The following PTPRD variants were observed in gnomAD, a reference collection of about 807,000 sequenced individuals.
The protein encoded by PTPRD is receptor-type tyrosine-protein phosphatase delta.
A neutral mutation model predicts 214.5 loss-of-function variants in PTPRD; 34 were observed. That is an observed-to-expected ratio of 0.16 (90% CI 0.12 to 0.21). PTPRD has a LOEUF of 0.21. Among genes scored for constraint, PTPRD ranks in the 10% least tolerant of loss-of-function variants. The pLI, the probability that PTPRD is intolerant of heterozygous loss-of-function variation, is 1.00. For missense variants in PTPRD, 2,545 were observed against 2,398.7 expected (o/e 1.06, Z -1.27); for synonymous variants, 1,128 against 845.7 (o/e 1.33, Z -5.79).
At chr9:9,647,348 T>G (rs2096219182) in intron 7 of PTPRD, among the ~76,000 whole-genome samples, 1 of 151,464 alleles carries the variant, frequency 6.6e-6, no homozygotes, top group Admixed American at 6.6e-5. Context: ...TTTCCTTGTT[T>G]CTACTGGCTT....
At chr9:8,799,974 T>G (rs1050655916) in intron 11 of PTPRD, among the ~76,000 whole-genome samples, 1 of 151,978 alleles carries the variant, frequency 6.6e-6, no homozygotes, top group East Asian at 1.9e-4. Flanking sequence ...ATAATAAATA[T>G]AGTGCTGCCA....
At chr9:9,597,388 G>A (rs1201812732) in intron 7 of PTPRD, among the ~76,000 whole-genome samples, 1 of 151,890 alleles carries the variant, frequency 6.6e-6, no homozygotes, top group African/African-American at 2.4e-5. Flanking sequence ...CATGGGAACT[G>A]GCTTAAATTC....
At chr9:8,551,655 T>G (rs1410395385) in intron 14 of PTPRD, among the ~76,000 whole-genome samples, 1 of 152,204 alleles carries the variant, frequency 6.6e-6, no homozygotes, top group Non-Finnish European at 1.5e-5. Context: ...TACTTCATCA[T>G]GAAGGAGAAC....
intron 8 of PTPRD, among the ~76,000 whole-genome samples, chr9:9,417,597 C>T (rs1326185958): frequency 6.6e-6 from 1 of 152,030 alleles, no homozygotes; most frequent in East Asian, 1.9e-4. Context: ...TTGAAAGAAA[C>T]CTGAGGGAAG....
intron 14 of PTPRD, among the ~76,000 whole-genome samples, chr9:8,630,030 A>C (rs1374369276): frequency 6.6e-6 from 1 of 151,850 alleles, no homozygotes; most frequent in African/African-American, 2.4e-5. Flanking sequence ...CATACAGGTC[A>C]GATATTTGAA....
intron 11 of PTPRD, among the ~76,000 whole-genome samples, chr9:8,795,572 T>A (rs1047639589): frequency 1.3e-5 from 2 of 152,216 alleles, no homozygotes; most frequent in African/African-American, 4.8e-5. Flanking sequence ...GTCACTGGAC[T>A]GATAGATGAA....
chr9:8,470,143 T>C (rs2096623897), intron 31 of PTPRD, among the ~76,000 whole-genome samples: 1 of 152,124 alleles, frequency 6.6e-6, no homozygotes, highest in Non-Finnish European at 1.5e-5. Flanking sequence ...CCTTATGAAC[T>C]GATTGAAAAC....
At chr9:9,082,102 C>T (rs1418290037) in intron 10 of PTPRD, among the ~76,000 whole-genome samples, 2 of 151,884 alleles carry the variant, frequency 1.3e-5, no homozygotes, top group African/African-American at 4.8e-5. Context: ...TCCTCCCTAA[C>T]TCATTTTATG....
chr9:10,029,006 G>A (rs1030789076), intron 4 of PTPRD, among the ~76,000 whole-genome samples: 3 of 152,114 alleles, frequency 2.0e-5, no homozygotes, highest in Admixed American at 1.3e-4. Flanking sequence ...GGGACTTGGT[G>A]CCCTGTGTCC....
intron 2 of PTPRD, among the ~76,000 whole-genome samples, chr9:10,518,597 A>G (rs993392433): frequency 1.3e-5 from 2 of 152,042 alleles, no homozygotes; most frequent in African/African-American, 2.4e-5. Context: ...CAGCGGCCCA[A>G]TCTTGGCTCA....
intron 5 of PTPRD, among the ~76,000 whole-genome samples, chr9:9,931,965 A>T (rs948778109): frequency 1.3e-5 from 2 of 152,018 alleles, no homozygotes; most frequent in African/African-American, 4.8e-5. Flanking sequence ...CAGCAGGGGC[A>T]CACTGACACC....
chr9:10,368,183 G>A (rs915593641), intron 2 of PTPRD, among the ~76,000 whole-genome samples: 1 of 151,966 alleles, frequency 6.6e-6, no homozygotes, highest in Non-Finnish European at 1.5e-5. Flanking sequence ...AAAATGATGA[G>A]TTTTCCTCTT....
intron 4 of PTPRD, among the ~76,000 whole-genome samples, chr9:9,949,023 G>A (rs1421007977): frequency 2.6e-5 from 4 of 151,996 alleles, no homozygotes; most frequent in African/African-American, 7.2e-5. Context: ...GTGGGATAAA[G>A]GGTGAAGAAT....
At chr9:8,476,239 T>C (rs2096761924) in intron 30 of PTPRD, among the ~76,000 whole-genome samples, 1 of 152,176 alleles carries the variant, frequency 6.6e-6, no homozygotes. Flanking sequence ...CATTAGATTC[T>C]CATAAAGAGC....
chr9:10,128,508 C>G (rs2154255073), intron 3 of PTPRD, among the ~76,000 whole-genome samples: 1 of 152,298 alleles, frequency 6.6e-6, no homozygotes, highest in East Asian at 1.9e-4. Context: ...AGCCTTCCCT[C>G]ATGGCCCTTA....
intron 9 of PTPRD, among the ~76,000 whole-genome samples, chr9:9,244,147 A>G (rs2099971768): frequency 6.6e-6 from 1 of 152,208 alleles, no homozygotes; most frequent in South Asian, 2.1e-4. Context: ...GGATACAAAC[A>G]AATGGAAGAA....
At chr9:9,597,642 G>C (rs1423507347) in intron 7 of PTPRD, among the ~76,000 whole-genome samples, 1 of 151,858 alleles carries the variant, frequency 6.6e-6, no homozygotes, top group Non-Finnish European at 1.5e-5. Flanking sequence ...AGAGAAAGAA[G>C]TCAAGAAATG....
At chr9:8,713,669 G>A in intron 12 of PTPRD, 5 of 1,507,996 alleles carry the variant, frequency 3.3e-6, no homozygotes, top group East Asian at 2.3e-5. Context: ...CACCGCGCCC[G>A]GGCCCACTCC....
At chr9:9,386,532 T>C (rs1462851296) in intron 9 of PTPRD, among the ~76,000 whole-genome samples, 2 of 152,170 alleles carry the variant, frequency 1.3e-5, no homozygotes, top group Non-Finnish European at 2.9e-5. Context: ...TCCAAGTCAA[T>C]CATTTTGAAG....
Sources: allele counts gnomAD v4.1 joint callset (sites outside exome capture counted in the v4.1 genomes callset), GRCh38; gene constraint gnomAD v4.1.1; transcripts MANE v1.5; gene names NCBI Gene and HGNC (gene_info 2026-07-23, HGNC 2026-07-21).